GALNTL6: variants seen among roughly 807,000 people sequenced by gnomAD.
The protein encoded by GALNTL6 is polypeptide N-acetylgalactosaminyltransferase like 6, also known as polypeptide N-acetylgalactosaminyltransferase-like 6.
In GALNTL6, 46 loss-of-function variants were observed where a neutral mutation model predicts 73.7. That is an observed-to-expected ratio of 0.62 (90% CI 0.49 to 0.80). The LOEUF (loss-of-function observed/expected upper bound fraction) is 0.80, where lower values mean the gene tolerates loss of function less well. GALNTL6 is among the 30% of genes least tolerant of loss of function. The probability of loss-of-function intolerance (pLI) is 0.00; values close to 1 mark genes in which losing one functional copy is unlikely to be tolerated. For synonymous variants in GALNTL6, 259 were observed against 263.7 expected (o/e 0.98, Z 0.17); for missense variants, 604 against 755.0 (o/e 0.80, Z 2.34).
intron 7 of GALNTL6, among the ~76,000 whole-genome samples, chr4:172,846,186 T>C (rs558692982): frequency 2.0e-4 from 31 of 152,292 alleles, no homozygotes; most frequent in African/African-American, 7.0e-4. Flanking sequence ...TTGGAATGCA[T>C]TTTCCTAAAG....
At chr4:172,188,651 T>A (rs564677830) in intron 2 of GALNTL6, among the ~76,000 whole-genome samples, 5 of 152,262 alleles carry the variant, frequency 3.3e-5, no homozygotes, top group African/African-American at 1.2e-4. Flanking sequence ...GGAGATCTAA[T>A]TTAGATTACA....
At chr4:172,807,789 C>T (rs1741051625) in intron 5 of GALNTL6, among the ~76,000 whole-genome samples, 1 of 152,080 alleles carries the variant, frequency 6.6e-6, no homozygotes, top group African/African-American at 2.4e-5. Context: ...AAAACACTCT[C>T]GTGGAAAATC....
chr4:172,795,077 C>T (rs184868555), intron 5 of GALNTL6, among the ~76,000 whole-genome samples: 27 of 152,182 alleles, frequency 1.8e-4, no homozygotes, highest in African/African-American at 6.0e-4. Context: ...CAAAATCCCT[C>T]GCAAAATGGA....
At chr4:171,997,680 T>C (rs970824294) in intron 2 of GALNTL6, among the ~76,000 whole-genome samples, 2 of 152,154 alleles carry the variant, frequency 1.3e-5, no homozygotes, top group Non-Finnish European at 2.9e-5. Context: ...CCATCTGTAG[T>C]AGACTTTCTT....
At chr4:172,358,033 A>G (rs1331321943) in intron 5 of GALNTL6, among the ~76,000 whole-genome samples, 1 of 152,132 alleles carries the variant, frequency 6.6e-6, no homozygotes, top group African/African-American at 2.4e-5. Context: ...GTCTCTATGA[A>G]AAAAAGATTT....
At chr4:172,638,370 C>A (rs929727373) in intron 5 of GALNTL6, among the ~76,000 whole-genome samples, 2 of 152,006 alleles carry the variant, frequency 1.3e-5, no homozygotes, top group Admixed American at 1.3e-4. Context: ...TTGGTAAAGC[C>A]CCTCCCAGGA....
intron 2 of GALNTL6, among the ~76,000 whole-genome samples, chr4:171,836,086 T>C (rs1735087734): frequency 6.6e-6 from 1 of 152,036 alleles, no homozygotes; most frequent in Non-Finnish European, 1.5e-5. Context: ...ATATTAAAAG[T>C]AATAAAATTT....
At chr4:171,893,213 C>T (rs537985996) in intron 2 of GALNTL6, among the ~76,000 whole-genome samples, 2 of 152,336 alleles carry the variant, frequency 1.3e-5, no homozygotes, top group South Asian at 2.1e-4. Context: ...AATTAATCCA[C>T]ATCCATAAGG....
At chr4:172,042,115 T>G (rs559169598) in intron 2 of GALNTL6, among the ~76,000 whole-genome samples, 1 of 152,130 alleles carries the variant, frequency 6.6e-6, no homozygotes, top group African/African-American at 2.4e-5. Context: ...ACCCTGAACA[T>G]TTTAGGTAAA....
At chr4:172,589,502 C>G (rs1175342547) in intron 5 of GALNTL6, among the ~76,000 whole-genome samples, 1 of 152,148 alleles carries the variant, frequency 6.6e-6, no homozygotes, top group African/African-American at 2.4e-5. Flanking sequence ...AGCATTAAGA[C>G]TAACATGATG....
chr4:171,933,555 T>A (rs1160019991), intron 2 of GALNTL6, among the ~76,000 whole-genome samples: 3 of 152,214 alleles, frequency 2.0e-5, no homozygotes, highest in Non-Finnish European at 4.4e-5. Flanking sequence ...TTAGGCACTA[T>A]GCTAGATAGA....
chr4:172,569,257 G>A (rs1204784026), intron 5 of GALNTL6, among the ~76,000 whole-genome samples: 1 of 152,146 alleles, frequency 6.6e-6, no homozygotes, highest in Non-Finnish European at 1.5e-5. Context: ...ATAGACAGCT[G>A]TCTTCTTGCA....
intron 5 of GALNTL6, among the ~76,000 whole-genome samples, chr4:172,686,031 G>A (rs1732897180): frequency 6.6e-6 from 1 of 152,100 alleles, no homozygotes; most frequent in South Asian, 2.1e-4. Flanking sequence ...TTTAGGCACT[G>A]GATTAAATAT....
In GALNTL6 at chr4:172,453,803, T is replaced by C. The variant is rs913671141; in HGVS notation, c.553+105114T>C. ...CATTTATCTGCTTTTTTCTTCTAAT[T>C]CAACAGGCCACTGCGACACCCTTAG... On this transcript the variant is annotated intron_variant, in intron 5 of 12. Coordinates refer to ENST00000506823, the MANE Select transcript of GALNTL6 (RefSeq NM_001034845.3). Among the ~76,000 whole-genome samples the C allele has an allele frequency of 9.2e-3, 1,402 of 152,282 alleles. 20 individuals are homozygous for C. Among genetic ancestry groups the C allele is most frequent in the African/African-American group, 0.032 (1,321 of 41,558 alleles).
At chr4:172,078,368 G>A (rs980517162) in intron 2 of GALNTL6, among the ~76,000 whole-genome samples, 2 of 152,132 alleles carry the variant, frequency 1.3e-5, no homozygotes, top group African/African-American at 4.8e-5. Context: ...TGCTATGATT[G>A]TAAGTTTCGT....
At chr4:172,637,767 T>A (rs1412773918) in intron 5 of GALNTL6, among the ~76,000 whole-genome samples, 1 of 152,202 alleles carries the variant, frequency 6.6e-6, no homozygotes, top group Non-Finnish European at 1.5e-5. Flanking sequence ...CATCTAGCTC[T>A]GTCACTAACA....
Position 172,680,332 on chromosome 4 carries a change from C to G in GALNTL6, c.554-129029C>G, listed in dbSNP as rs116003124. Among the ~76,000 whole-genome samples the G allele has an allele frequency of 4.4e-3, 673 of 151,550 alleles. 5 individuals carry two copies. The highest frequency in any genetic ancestry group is 0.016 in the African/African-American group (643 of 41,250). ...GAATTTGAACTCAGGCAATCTCACT[C>G]AAAAGCATATAGTTTAACTATTGAA... On this transcript the variant is annotated intron_variant, in intron 5 of 12. Coordinates refer to ENST00000506823, the MANE Select transcript of GALNTL6 (RefSeq NM_001034845.3).
At chr4:171,839,640 C>G (rs1735190101) in intron 2 of GALNTL6, among the ~76,000 whole-genome samples, 1 of 148,218 alleles carries the variant, frequency 6.7e-6, no homozygotes, top group South Asian at 2.1e-4. Flanking sequence ...TTGCTAGACA[C>G]AGAAGGGACA....
At chr4:172,871,739 T>C (rs1050628412) in intron 7 of GALNTL6, among the ~76,000 whole-genome samples, 1 of 146,598 alleles carries the variant, frequency 6.8e-6, no homozygotes, top group Non-Finnish European at 1.5e-5. Context: ...TTGGAGATAC[T>C]GGTAAAGTTT....
Sources: allele counts gnomAD v4.1 joint callset (sites outside exome capture counted in the v4.1 genomes callset), GRCh38; gene constraint gnomAD v4.1.1; transcripts MANE v1.5; gene names NCBI Gene and HGNC (gene_info 2026-07-23, HGNC 2026-07-21).